Variants in PBRM1 observed in about 807,000 individuals in gnomAD.
PBRM1 encodes the protein polybromo 1, also known as protein polybromo-1.
In PBRM1, 27 loss-of-function variants were observed where a neutral mutation model predicts 194.5. The ratio of observed to expected loss-of-function variants is 0.14; its 90% CI spans 0.10 to 0.19. PBRM1 has a LOEUF of 0.19. Among genes scored for constraint, PBRM1 ranks in the 10% least tolerant of loss-of-function variants. The pLI is 1.00. For synonymous variants in PBRM1, 655 were observed against 693.2 expected (o/e 0.94, Z 0.87); for missense variants, 1,466 against 2,077.2 (o/e 0.71, Z 5.72).
At chr3:52,636,541 A>C (rs925569585) in intron 10 of PBRM1, among the ~76,000 whole-genome samples, 3 of 151,590 alleles carry the variant, frequency 2.0e-5, no homozygotes, top group African/African-American at 7.2e-5. Context: ...GCAAATCATG[A>C]GGTCAGTAGT....
At chr3:52,678,348 A>G in intron 2 of PBRM1, 152 bp downstream of exon 3, 1 of 562,710 alleles carries the variant, frequency 1.8e-6, no homozygotes, top group Non-Finnish European at 3.2e-6. Flanking sequence ...AAGCTTCACT[A>G]CAGCTTGATT....
intron 17 of PBRM1, among the ~76,000 whole-genome samples, chr3:52,594,069 G>T (rs2093350526): frequency 6.6e-6 from 1 of 152,154 alleles, no homozygotes; most frequent in Non-Finnish European, 1.5e-5. Flanking sequence ...AAGAGATGAG[G>T]TGAGGTCCTG....
At position 52,609,868 on chromosome 3, in the gene PBRM1, T is replaced by C. The variant is rs767784352; in HGVS notation, c.2012A>G (p.Asn671Ser). The C allele has an allele frequency of 1.2e-6, 2 of 1,603,614 alleles. No homozygotes were observed. The highest frequency in any genetic ancestry group is 3.5e-5 in the Admixed American group (2 of 57,376). ...GCGGCGACCCCTCTTATCAGTATAG[T>C]TCTTTACAGCTTCATAGACCTCATT... Residue 671 changes from asparagine to serine, a missense_variant, in exon 16 of 30, where the codon AAC becomes AGC. Asn to Ser is a conservative substitution (Grantham distance 46). Around this residue, in one of 5 missense-constraint regions of PBRM1, gnomAD observed 687 missense variants for 946.2 expected, o/e 0.73. Coordinates refer to ENST00000296302, the Ensembl canonical transcript of PBRM1. The surrounding 1 kb of genome is among the most constrained non-coding windows in gnomAD (Gnocchi z 4.1).
rs188435811 is a variant in PBRM1, at chr3:52,645,943, C to T, written c.814-1154G>A. ...GAGGGACTACGGACAACTAACTCTA[C>T]TTGTGTACGCTGACCTAAAAATCAA... On this transcript the variant is annotated intron_variant, in intron 7 of 29. Transcript: ENST00000296302. 4.6e-5 allele frequency among the ~76,000 whole-genome samples: 7 copies of T among 152,316 alleles called. No homozygotes were observed. The East Asian group carries it at 1.3e-3, about 29-fold the overall frequency.
At chr3:52,565,703 G>C (rs2084963059) in intron 22 of PBRM1, among the ~76,000 whole-genome samples, 1 of 151,924 alleles carries the variant, frequency 6.6e-6, no homozygotes, top group South Asian at 2.1e-4. Flanking sequence ...ATGTGCAAAA[G>C]ATATAAATTG....
chr3:52,558,851 T>C (rs1334478237), intron 25 of PBRM1, among the ~76,000 whole-genome samples: 3 of 152,246 alleles, frequency 2.0e-5, no homozygotes, highest in Non-Finnish European at 4.4e-5. Flanking sequence ...ACTTACTATA[T>C]ATATTTCCTG....
chr3:52,596,099 C>G (rs146957475), intron 17 of PBRM1, among the ~76,000 whole-genome samples: 1 of 152,184 alleles, frequency 6.6e-6, no homozygotes, highest in East Asian at 1.9e-4. Context: ...TTTCTTTTGG[C>G]TCAAAATAAC....
intron 29 of PBRM1, among the ~76,000 whole-genome samples, chr3:52,550,109 T>G (rs1480301153): frequency 5.9e-5 from 9 of 151,900 alleles, no homozygotes; most frequent in Admixed American, 5.9e-4. Flanking sequence ...TCCCAGCTAC[T>G]GGGGAGGCTG....
At chr3:52,565,785 T>A (rs1364646101) in intron 22 of PBRM1, among the ~76,000 whole-genome samples, 1 of 152,124 alleles carries the variant, frequency 6.6e-6, no homozygotes, top group African/African-American at 2.4e-5. Flanking sequence ...GCGCAGTGGC[T>A]CATGTCTGTA....
At chr3:52,579,517 G>A (rs890970565) in intron 20 of PBRM1, among the ~76,000 whole-genome samples, 5 of 152,160 alleles carry the variant, frequency 3.3e-5, no homozygotes, top group Middle Eastern at 3.4e-3. Context: ...TAGATCACTC[G>A]AGCTCAGGAG....
In PBRM1 at chr3:52,612,127, G is replaced by C. The variant is rs150593843; in HGVS notation, c.1925-2172C>G. 1.5e-3 allele frequency among the ~76,000 whole-genome samples: 226 copies of C among 151,736 alleles called. 2 individuals carry two copies. The highest frequency in any genetic ancestry group is 5.1e-3 in the African/African-American group (212 of 41,374). ...ACACAAAAATCAGCCGGGCGTGGTG[G>C]TGCACACCTGTAGTCCCAGCTACTT... On this transcript the variant is annotated intron_variant, in intron 15 of 29. Coordinates refer to ENST00000296302, the Ensembl canonical transcript of PBRM1.
chr3:52,555,473 C>G (rs2082019848), intron 26 of PBRM1, among the ~76,000 whole-genome samples: 1 of 152,200 alleles, frequency 6.6e-6, no homozygotes, highest in Admixed American at 6.5e-5. Flanking sequence ...AGTTGGGGAA[C>G]AGCTTCTAAG....
chr3:52,652,002 T>C (rs889326762), intron 5 of PBRM1, among the ~76,000 whole-genome samples, 192 bp from the exon 7 acceptor site: 1 of 152,264 alleles, frequency 6.6e-6, no homozygotes, highest in African/African-American at 2.4e-5. Context: ...AGAAGCTTCA[T>C]GATCTATCCA....
intron 14 of PBRM1, 119 bp downstream of exon 16, chr3:52,617,143 A>G (rs2095004547): frequency 2.8e-6 from 2 of 707,770 alleles, no homozygotes; most frequent in Non-Finnish European, 4.5e-6. Context: ...CAATTAACCT[A>G]GTCACCAAAA....
At position 52,676,429 on chromosome 3, in the gene PBRM1, T is replaced by C. The variant is rs143048614; in HGVS notation, c.236+2071A>G. Among the ~76,000 whole-genome samples the C allele has an allele frequency of 5.3e-3, 803 of 152,290 alleles. 9 individuals carry two copies. The highest frequency in any genetic ancestry group is 0.018 in the African/African-American group (741 of 41,556). ...GTTGCATGAGATCTGATGGGTTTAT[T>C]AGGGGTTCCCACTTTTGCTTCTTGC... On this transcript the variant is annotated intron_variant, in intron 2 of 29. Coordinates refer to ENST00000296302, the Ensembl canonical transcript of PBRM1.
chr3:52,553,868 G>T (rs767994869), intron 27 of PBRM1, among the ~76,000 whole-genome samples: 2 of 151,988 alleles, frequency 1.3e-5, no homozygotes, highest in South Asian at 2.1e-4. Flanking sequence ...CACCATATTG[G>T]CCAGGCTGGT....
chr3:52,628,064 C>G (rs947472770), intron 12 of PBRM1, among the ~76,000 whole-genome samples: 3 of 152,088 alleles, frequency 2.0e-5, no homozygotes, highest in Non-Finnish European at 4.4e-5. Context: ...CTTAAAACCC[C>G]TAGATGAACC....
chr3:52,604,526 C>T (rs775924648), intron 16 of PBRM1, among the ~76,000 whole-genome samples: 7 of 151,988 alleles, frequency 4.6e-5, no homozygotes, highest in East Asian at 3.9e-4. Context: ...CACAGCAAGA[C>T]GCTGTCTCAA....
intron 20 of PBRM1, among the ~76,000 whole-genome samples, chr3:52,581,634 T>C (rs922718057): frequency 3.9e-5 from 6 of 152,042 alleles, no homozygotes; most frequent in Non-Finnish European, 5.9e-5. Context: ...GGTTCTATTC[T>C]AAAGTAATTC....
Sources: gnomAD v4.1 joint callset for allele counts (sites outside exome capture counted in the v4.1 genomes callset) on GRCh38, gnomAD v4.1.1 for gene constraint, gnomAD v4.1.1 regional missense constraint, Gnocchi (gnomAD v3.1) non-coding constraint, MANE v1.5 for transcripts, NCBI Gene and HGNC (gene_info 2026-07-23, HGNC 2026-07-21) for gene names.